The following KCNK2 variants were observed in gnomAD, a reference collection of about 807,000 sequenced individuals.
KCNK2 encodes potassium channel subfamily K member 2.
Under a neutral mutation model 40.5 loss-of-function variants are expected in KCNK2, and 21 were observed. The observed-to-expected ratio is 0.52, with a 90% CI of 0.37 to 0.75. The LOEUF is 0.75. KCNK2 is among the 30% of genes least tolerant of loss of function. The probability of loss-of-function intolerance (pLI) is 0.00; values close to 1 mark genes in which losing one functional copy is unlikely to be tolerated. For missense variants in KCNK2, 399 were observed against 531.6 expected, an observed-to-expected ratio of 0.75 and a Z score of 2.45; for synonymous variants, 191 against 202.2, an observed-to-expected ratio of 0.94 and a Z score of 0.47.
intron 2 of KCNK2, among the ~76,000 whole-genome samples, chr1:215,093,057 C>T (rs1028735745): frequency 7.9e-5 from 12 of 151,984 alleles, no homozygotes; most frequent in Admixed American, 7.2e-4. Flanking sequence ...ACTGAAGATA[C>T]ACATTTGGAA....
At chr1:215,093,762 A>G (rs1371215683) in intron 2 of KCNK2, among the ~76,000 whole-genome samples, 2 of 63,820 alleles carry the variant, frequency 3.1e-5, no homozygotes, top group Admixed American at 2.9e-4. Flanking sequence ...TATATATTAT[A>G]TAATATAAAA....
intron 2 of KCNK2, among the ~76,000 whole-genome samples, chr1:215,101,956 A>T (rs751904716): frequency 5.9e-5 from 9 of 151,928 alleles, no homozygotes; most frequent in Non-Finnish European, 1.3e-4. Flanking sequence ...TGTTTCCATT[A>T]TGTTATTTTG....
rs1491378035 is a variant in KCNK2 at position 215,209,294 on chromosome 1, TAA to T, written c.963+14203_963+14204del. Among the ~76,000 whole-genome samples the T allele has an allele frequency of 2.7e-3, 271 of 99,192 alleles. 4 individuals carry two copies. The highest frequency in any genetic ancestry group is 0.01 in the African/African-American group (242 of 24,008). 65.1% of individuals were successfully genotyped at this position (99,192 alleles called of 152,430 possible). A position where few individuals can be genotyped will look rare whatever the true frequency, so the allele number is the denominator to read the frequency against. ...TATAAATATACACATATTTTATATATAATATATATTATATATATGAAATATAC... is the reference window on the plus strand; with the variant it reads ...TATAAATATACACATATTTTATATATTATATATTATATATATGAAATATAC... On this transcript the variant is annotated intron_variant, in intron 6 of 6. Transcript: ENST00000444842.
At chr1:215,028,778 T>G (rs867947277) in intron 1 of KCNK2, among the ~76,000 whole-genome samples, 1 of 152,272 alleles carries the variant, frequency 6.6e-6, no homozygotes, top group South Asian at 2.1e-4. Context: ...CTCAGAGAGT[T>G]CACTCATGAC....
chr1:215,024,275 A>T (rs2841602), intron 1 of KCNK2, among the ~76,000 whole-genome samples: 66,475 of 151,724 alleles, frequency 0.44, 16,201 homozygotes, highest in Non-Finnish European at 0.55. Flanking sequence ...GGCCAGTATT[A>T]GGTAAAGGAC....
rs1350138869 is a variant in KCNK2 at position 215,007,183 on chromosome 1, GGGTATATATATATATATATATATATATA to G, written c.34+1229_34+1256del. ...TATGTATATATATATGTATGTGTGT[GGGTATATATATATATATATATATATATA>G]TATATATATATATATAGGCTCATTT... On this transcript the variant is annotated intron_variant, in intron 1 of 6. Coordinates refer to the KCNK2 transcript ENST00000391895. Among the ~76,000 whole-genome samples, 262 of 83,618 alleles carry G rather than the reference GGGTATATATATATATATATATATATATA, an allele frequency of 3.1e-3. 10 individuals are homozygous for G. Among genetic ancestry groups the G allele is most frequent in the African/African-American group, 0.013 (246 of 19,596 alleles). The allele number at this position is 83,618 out of a possible 152,430, so 54.9% of individuals were successfully genotyped here. A position where few individuals can be genotyped will look rare whatever the true frequency, so the allele number is the denominator to read the frequency against.
At chr1:215,119,143 T>C (rs781089756) in intron 2 of KCNK2, among the ~76,000 whole-genome samples, 4 of 152,184 alleles carry the variant, frequency 2.6e-5, no homozygotes, top group Non-Finnish European at 4.4e-5. Context: ...ATGGCCATTC[T>C]AGTACTTTAT....
At chr1:215,123,239 A>G (rs1661274375) in intron 2 of KCNK2, among the ~76,000 whole-genome samples, 1 of 152,042 alleles carries the variant, frequency 6.6e-6, no homozygotes, top group East Asian at 1.9e-4. Flanking sequence ...AAAAACCTGC[A>G]TGTGGAATAG....
intron 6 of KCNK2, among the ~76,000 whole-genome samples, chr1:215,199,732 T>A (rs1665006930): frequency 6.6e-6 from 1 of 152,148 alleles, no homozygotes; most frequent in African/African-American, 2.4e-5. Flanking sequence ...TATTTAGATA[T>A]TCTGGATAAT....
chr1:215,039,375 A>T (rs945475749), intron 1 of KCNK2, among the ~76,000 whole-genome samples: 1 of 152,162 alleles, frequency 6.6e-6, no homozygotes, highest in Non-Finnish European at 1.5e-5. Context: ...ACTGAGTTAT[A>T]TAATAATTTC....
intron 2 of KCNK2, among the ~76,000 whole-genome samples, chr1:215,115,830 T>C (rs1435146065): frequency 6.6e-6 from 1 of 151,954 alleles, no homozygotes; most frequent in Non-Finnish European, 1.5e-5. Context: ...AAAATATTAT[T>C]CCATACAGTA....
chr1:215,134,289 C>T (rs1045484693), intron 3 of KCNK2, among the ~76,000 whole-genome samples: 1 of 152,130 alleles, frequency 6.6e-6, no homozygotes, highest in Non-Finnish European at 1.5e-5. Context: ...AGGGCTCAGT[C>T]CCGCAAGACT....
chr1:215,058,389 A>G (rs1658242973), intron 1 of KCNK2, among the ~76,000 whole-genome samples: 1 of 152,188 alleles, frequency 6.6e-6, no homozygotes, highest in South Asian at 2.1e-4. Context: ...AGTTGGATAT[A>G]TGCTTTTTCT....
At chr1:215,082,700 G>A (rs1220674957), upstream of KCNK2, among the ~76,000 whole-genome samples, 2 of 151,986 alleles carry the variant, frequency 1.3e-5, no homozygotes, top group African/African-American at 2.4e-5. Flanking sequence ...AGACAGGAGG[G>A]GGAGGAGGCG....
At chr1:215,195,201 A>T in intron 6 of KCNK2, 109 bp downstream of exon 6, 3 of 893,680 alleles carry the variant, frequency 3.4e-6, no homozygotes, top group Non-Finnish European at 4.8e-6. Flanking sequence ...TTAAAATGTT[A>T]ATATTTTCTA....
intron 2 of KCNK2, among the ~76,000 whole-genome samples, chr1:215,102,772 A>G (rs1214157190): frequency 6.6e-6 from 1 of 151,956 alleles, no homozygotes; most frequent in Non-Finnish European, 1.5e-5. Context: ...AATTACCTAC[A>G]GTATTCATTA....
rs78125002 is a variant in KCNK2 at position 215,046,578 on chromosome 1, C to G, written c.35-39790C>G. Among the ~76,000 whole-genome samples the G allele has an allele frequency of 0.013, 1,922 of 152,142 alleles. 60 individuals are homozygous for G. In the East Asian group the frequency reaches 0.13, roughly 11 times the overall value. ...AGGAGAAGGCTGTTGTTAGAATAAA[C>G]AGGTACAGGTTTTTTTGGATTATCA... On this transcript the variant is annotated intron_variant, in intron 1 of 6. Coordinates refer to the KCNK2 transcript ENST00000391895.
Position 215,083,019 on chromosome 1 carries a change from GGCGGCGGCGGCGGGCAGGC to G in KCNK2, c.-362_-344del. 6.4e-6 allele frequency: 1 copy of G among 156,380 alleles called. No individual in the cohort carries two copies. 9.7% of individuals were successfully genotyped at this position (156,380 alleles called of 1,614,324 possible). ...CTGAGCGCGTGGCGGCGGCGGCGGC[GGCGGCGGCGGCGGGCAGGC>G]GCGGGACCCGGGTCGCCCGCGCTCT... On this transcript the variant is annotated 5_prime_UTR_variant, in exon 1 of 7. It removes the in-frame stop codon of an upstream open reading frame in the 5' UTR. Coordinates refer to ENST00000444842, the MANE Select transcript of KCNK2 (RefSeq NM_001017425.3).
rs531483669 is a variant in KCNK2 at position 215,083,097 on chromosome 1, G to C, written c.-289G>C. ...CCCGGGCCCGGCAGCAGGCGCGCGC[G>C]GGGGCGGCGGCGCCCAAGCCCAACT... On this transcript the variant is annotated 5_prime_UTR_variant, in exon 1 of 7. Transcript: ENST00000444842. 2.2e-6 allele frequency: 1 copy of C among 462,188 alleles called. No homozygotes were observed. The highest frequency in any genetic ancestry group is 3.9e-5 in the South Asian group (1 of 25,850). The allele number at this position is 462,188 out of a possible 1,614,324, so 28.6% of individuals were successfully genotyped here. A position where few individuals can be genotyped will look rare whatever the true frequency, so the allele number is the denominator to read the frequency against.
Sources: gnomAD v4.1 joint callset for allele counts (sites outside exome capture counted in the v4.1 genomes callset) on GRCh38, gnomAD v4.1.1 for gene constraint, MANE v1.5 for transcripts, NCBI Gene and HGNC (gene_info 2026-07-23, HGNC 2026-07-21) for gene names.